The following GBF1 variants were observed in gnomAD, a reference collection of about 807,000 sequenced individuals.
GBF1 encodes Golgi-specific brefeldin A-resistance guanine nucleotide exchange factor 1.
Under a neutral mutation model 210.5 loss-of-function variants are expected in GBF1, and 114 were observed. The ratio of observed to expected loss-of-function variants is 0.54; its 90% CI spans 0.47 to 0.63. The LOEUF (loss-of-function observed/expected upper bound fraction) is 0.63, where lower values mean the gene tolerates loss of function less well. Among genes scored for constraint, GBF1 ranks in the 30% least tolerant of loss-of-function variants. The pLI is 0.00. For synonymous variants in GBF1, 850 were observed against 889.2 expected (o/e 0.96, Z 0.78); for missense variants, 1,851 against 2,357.7 (o/e 0.79, Z 4.45).
At chr10:102,233,362 G>T in the GBF1 span, among the ~76,000 whole-genome samples, 1 of 137,144 alleles carries the variant, frequency 7.3e-6, no homozygotes, top group Non-Finnish European at 1.5e-5. Context: ...GGAGTGCAGT[G>T]GTATGATCTC....
intron 3 of GBF1, among the ~76,000 whole-genome samples, chr10:102,296,471 G>C (rs2076914575): frequency 6.6e-6 from 1 of 152,052 alleles, no homozygotes; most frequent in South Asian, 2.1e-4. Context: ...TAGGCCAGAC[G>C]CGGTGGCTCA....
chr10:102,353,761 G>A (rs1316528921), intron 8 of GBF1, 107 bp downstream of exon 8: 1 of 763,326 alleles, frequency 1.3e-6, no homozygotes, highest in Non-Finnish European at 2.3e-6. Flanking sequence ...GCCTAAACAG[G>A]TCTGCTTGGA....
chr10:102,366,295 A>G lies in GBF1; in HGVS notation c.2310-88A>G, dbSNP rs2059908586. Reference sequence around the variant, plus strand: ...AGACCTCAGCCTCCTCTCTTCCAGTAAGAGTAGGTTAGGAGGACAGTGACT... The same window carrying G: ...AGACCTCAGCCTCCTCTCTTCCAGTGAGAGTAGGTTAGGAGGACAGTGACT... On this transcript the variant is annotated intron_variant, in intron 18 of 39. Transcript: ENST00000369983. The surrounding 1 kb of genome is among the most constrained non-coding windows in gnomAD (Gnocchi z 4.0). 7.1e-7 allele frequency: 1 copy of G among 1,413,240 alleles called. No homozygotes were observed. Among genetic ancestry groups the G allele is most frequent in the Admixed American group, 1.8e-5 (1 of 56,264 alleles). The allele number at this position is 1,413,240 out of a possible 1,614,324, so 87.5% of individuals were successfully genotyped here.
At chr10:102,235,855 C>A in the GBF1 span, among the ~76,000 whole-genome samples, 11 of 152,166 alleles carry the variant, frequency 7.2e-5, no homozygotes, top group Non-Finnish European at 1.2e-4. Context: ...AACACTCTGT[C>A]CTGAGCATAG....
At chr10:102,375,784 G>T (rs577774633) in intron 30 of GBF1, among the ~76,000 whole-genome samples, 200 bp downstream of exon 30, 32 of 152,094 alleles carry the variant, frequency 2.1e-4, no homozygotes, top group Middle Eastern at 3.4e-3. Flanking sequence ...AATGCAGACG[G>T]CTGTGAAGCC....
At chr10:102,242,672 T>C (rs2070567694), upstream of GBF1, among the ~76,000 whole-genome samples, 1 of 152,046 alleles carries the variant, frequency 6.6e-6, no homozygotes, top group South Asian at 2.1e-4. Flanking sequence ...CTCATGCCTG[T>C]AATCCCAGCA....
At chr10:102,261,492 A>G (rs2073208516) in intron 3 of GBF1, among the ~76,000 whole-genome samples, 1 of 152,162 alleles carries the variant, frequency 6.6e-6, no homozygotes, top group Non-Finnish European at 1.5e-5. Context: ...TAAACAAACA[A>G]TAAGAAAATT....
At chr10:102,293,779 T>TTTTTGTTTTTTTTTTTTTTTTTGTTTTG (rs2076669621) in intron 3 of GBF1, among the ~76,000 whole-genome samples, 1 of 95,494 alleles carries the variant, frequency 1.0e-5, no homozygotes, top group African/African-American at 3.2e-5. Context: ...GTGTTTTTTT[T>TTTTTGTTTTTTTTTTTTTTTTTGTTTTG]TTTTTTTTTT....
rs1392826840 is a variant in GBF1, at chr10:102,344,113, G to T, written c.226G>T (p.Asp76Tyr). 1 of 1,612,070 alleles carries T rather than the reference G, an allele frequency of 6.2e-7. No homozygotes were observed. Among genetic ancestry groups the T allele is most frequent in the Non-Finnish European group, 8.5e-7 (1 of 1,178,208 alleles). The stretch of plus-strand genomic sequence containing the variant: ...TTTTCTGGAAGTGATTCGCTCTGAA[G>T]ATACCACTGGCCCTATCACTGGACT... ...RPFLEVIRSE[D>Y]TTGPITGLAL... Residue 76 changes from aspartate (D) to tyrosine (Y), a missense_variant, in exon 4 of 40, where the codon GAT becomes TAT. Asp to Tyr is a radical substitution (Grantham distance 160). Transcript: ENST00000369983.
chr10:102,253,222 T>C (rs2071835726), intron 1 of GBF1, among the ~76,000 whole-genome samples: 1 of 152,300 alleles, frequency 6.6e-6, no homozygotes, highest in East Asian at 1.9e-4. Context: ...AAAGAATATG[T>C]GTAGCTTATA....
At chr10:102,357,258 A>AAGGTG (rs2059343486) in intron 8 of GBF1, among the ~76,000 whole-genome samples, 2 of 152,090 alleles carry the variant, frequency 1.3e-5, no homozygotes, top group Non-Finnish European at 2.9e-5. Context: ...AGGCTGGGGC[A>AAGGTG]GGCAGATCAC....
intron 36 of GBF1, 26 bp downstream of exon 36, chr10:102,379,980 C>CCTCGG (rs749126538): frequency 2.8e-6 from 4 of 1,446,018 alleles, no homozygotes; most frequent in Non-Finnish European, 3.9e-6. Flanking sequence ...CTATACCCAC[C>CCTCGG]CTCTCTCCCA....
intron 3 of GBF1, among the ~76,000 whole-genome samples, chr10:102,328,032 C>T (rs1255406578): frequency 1.3e-5 from 2 of 152,202 alleles, no homozygotes; most frequent in African/African-American, 4.8e-5. Context: ...TGTTTACTGT[C>T]CAGCTCACAG....
chr10:102,325,410 C>T (rs1037972717), intron 3 of GBF1, among the ~76,000 whole-genome samples: 11 of 151,768 alleles, frequency 7.2e-5, no homozygotes, highest in Admixed American at 4.6e-4. Context: ...ATTAGCTAGG[C>T]GTGATGGTGG....
chr10:102,256,351 A>T (rs1436051222), intron 1 of GBF1, among the ~76,000 whole-genome samples: 1 of 151,946 alleles, frequency 6.6e-6, no homozygotes, highest in African/African-American at 2.4e-5. Flanking sequence ...AAATTGAGCT[A>T]CTTGCTAGGT....
chr10:102,358,294 C>A, intron 9 of GBF1, 108 bp downstream of exon 9: 1 of 1,060,438 alleles, frequency 9.4e-7, no homozygotes, highest in Non-Finnish European at 1.4e-6. Flanking sequence ...GGTCTTGGCG[C>A]TGAGAACAAA....
At chr10:102,293,834 G>A (rs1042525674) in intron 3 of GBF1, among the ~76,000 whole-genome samples, 3 of 124,318 alleles carry the variant, frequency 2.4e-5, no homozygotes, top group Non-Finnish European at 4.8e-5. Flanking sequence ...CTAGAGTGCA[G>A]TGGCGTGATC....
chr10:102,292,433 A>G (rs1421498332), intron 3 of GBF1, among the ~76,000 whole-genome samples: 1 of 152,210 alleles, frequency 6.6e-6, no homozygotes, highest in Non-Finnish European at 1.5e-5. Flanking sequence ...ACAATCGTGC[A>G]ATACTTCACT....
chr10:102,321,183 C>T (rs1283940051), intron 3 of GBF1, among the ~76,000 whole-genome samples: 2 of 152,182 alleles, frequency 1.3e-5, no homozygotes, highest in African/African-American at 4.8e-5. Flanking sequence ...TAATTAGTCA[C>T]AATTATAATT....
Sources: allele counts gnomAD v4.1 joint callset (sites outside exome capture counted in the v4.1 genomes callset), GRCh38; gene constraint gnomAD v4.1.1; non-coding constraint Gnocchi (gnomAD v3.1); transcripts MANE v1.5; gene names NCBI Gene and HGNC (gene_info 2026-07-23, HGNC 2026-07-21).